Variants in RCOR3 observed in about 807,000 individuals in gnomAD.
RCOR3 encodes the protein REST corepressor 3.
RCOR3 carries 13 observed loss-of-function variants against 64.1 expected under a neutral mutation model. That is an observed-to-expected ratio of 0.20 (90% CI 0.13 to 0.32). The LOEUF is 0.32. Ranked by LOEUF, RCOR3 falls within the 10% of genes least tolerant of loss-of-function variation. The pLI, the probability that RCOR3 is intolerant of heterozygous loss-of-function variation, is 1.00. For synonymous variants in RCOR3, 215 were observed against 239.0 expected (o/e 0.90, Z 0.93); for missense variants, 489 against 701.2 (o/e 0.70, Z 3.42).
intron 8 of RCOR3, among the ~76,000 whole-genome samples, chr1:211,290,269 A>G (rs1296736824): frequency 6.6e-6 from 1 of 152,164 alleles, no homozygotes; most frequent in Admixed American, 6.5e-5. Context: ...CCTTAGCTAT[A>G]GTTCCAGCTG....
chr1:211,265,040 GTA>G (rs1260792430), intron 2 of RCOR3, among the ~76,000 whole-genome samples: 3 of 152,124 alleles, frequency 2.0e-5, no homozygotes, highest in Admixed American at 6.6e-5. Context: ...ATGATGTTAA[GTA>G]TATCACAAGA....
At chr1:211,283,941 T>C (rs1698175513) in intron 7 of RCOR3, among the ~76,000 whole-genome samples, 1 of 151,868 alleles carries the variant, frequency 6.6e-6, no homozygotes, top group South Asian at 2.1e-4. Context: ...ACAGCAAATA[T>C]CTTTTGCCAG....
At chr1:211,279,519 G>C (rs557326585) in intron 7 of RCOR3, among the ~76,000 whole-genome samples, 28 of 152,294 alleles carry the variant, frequency 1.8e-4, no homozygotes, top group African/African-American at 6.7e-4. Flanking sequence ...ACTGGAAAAA[G>C]ATCTGAGTTT....
Position 211,314,017 on chromosome 1 carries a change from A to C in RCOR3, c.*249A>C. 1 of 454,834 alleles carries C rather than the reference A, an allele frequency of 2.2e-6. No individual in the cohort carries two copies. The highest frequency in any genetic ancestry group is 3.9e-6 in the Non-Finnish European group (1 of 256,602). 28.2% of individuals were successfully genotyped at this position (454,834 alleles called of 1,614,324 possible). On this transcript the variant is annotated 3_prime_UTR_variant, in exon 12 of 12. Coordinates refer to ENST00000419091, the MANE Select transcript of RCOR3 (RefSeq NM_001136223.3). ...TATGTTCAGCAATGTTGATCTCATAAAAGGAAAAACAAAAGATTTAAGTAT... is the reference window on the plus strand; with the variant it reads ...TATGTTCAGCAATGTTGATCTCATACAAGGAAAAACAAAAGATTTAAGTAT...
chr1:211,310,781 A>G (rs1701398999), intron 10 of RCOR3, among the ~76,000 whole-genome samples: 1 of 152,118 alleles, frequency 6.6e-6, no homozygotes, highest in Non-Finnish European at 1.5e-5. Context: ...TGAGGTTTAT[A>G]ATATCTTTAG....
At chr1:211,267,414 G>C (rs531442329) in intron 2 of RCOR3, among the ~76,000 whole-genome samples, 2 of 152,232 alleles carry the variant, frequency 1.3e-5, no homozygotes, top group South Asian at 4.2e-4. Context: ...TTCAGAGTTA[G>C]GGAAGGAAAA....
intron 4 of RCOR3, among the ~76,000 whole-genome samples, chr1:211,274,647 C>A (rs1045465606): frequency 1.3e-5 from 2 of 151,902 alleles, no homozygotes; most frequent in South Asian, 2.1e-4. Flanking sequence ...TTTAATGATA[C>A]AGGTAATTCT....
chr1:211,262,693 T>G (rs957057819), intron 2 of RCOR3, among the ~76,000 whole-genome samples: 2 of 152,150 alleles, frequency 1.3e-5, no homozygotes, highest in African/African-American at 4.8e-5. Flanking sequence ...TAGCATTACA[T>G]TGGAAAGCAT....
chr1:211,303,898 A>G (rs1262471763), intron 9 of RCOR3, 185 bp from the exon 10 acceptor site: 8 of 427,312 alleles, frequency 1.9e-5, no homozygotes, highest in African/African-American at 6.1e-5. Context: ...CCCTTTCATT[A>G]TCTTTCTGCA....
chr1:211,314,065 T>C lies in RCOR3; in HGVS notation c.*297T>C. On this transcript the variant is annotated 3_prime_UTR_variant, in exon 12 of 12. Coordinates refer to ENST00000419091, the MANE Select transcript of RCOR3 (RefSeq NM_001136223.3). ...TATTCTATATACCAAGTTTTTGTTT[T>C]GTTTTTACTGTATTTATTTTATTGA... 3 of 285,598 alleles carry C rather than the reference T, an allele frequency of 1.1e-5. No homozygotes were observed. 17.7% of individuals were successfully genotyped at this position (285,598 alleles called of 1,614,324 possible). A position where few individuals can be genotyped will look rare whatever the true frequency, so the allele number is the denominator to read the frequency against.
At position 211,313,543 on chromosome 1, in the gene RCOR3, A is replaced by G. The variant is rs754398141; in HGVS notation, c.1437A>G (p.Thr479=). 1.9e-6 allele frequency: 3 copies of G among 1,613,910 alleles called. No individual in the cohort carries two copies. Among genetic ancestry groups the G allele is most frequent in the Non-Finnish European group, 2.5e-6 (3 of 1,179,956 alleles). ...LNQPPPLLRP[T]LPAAPALHRQ... ...AGCCTCCACCACTTCTTCGTCCAAC[A>G]CTGCCTGCTGCCCCGGCTCTTCACC... Residue 479 remains threonine, a synonymous_variant, in exon 12 of 12, where the codon ACA becomes ACG. Transcript: ENST00000419091. The surrounding 1 kb of genome is among the most constrained non-coding windows in gnomAD (Gnocchi z 4.7).
chr1:211,268,577 A>G (rs866543529), intron 2 of RCOR3, among the ~76,000 whole-genome samples: 13 of 151,942 alleles, frequency 8.6e-5, no homozygotes, highest in Non-Finnish European at 4.4e-5. Context: ...AGGTTTCTCC[A>G]TGTTGGTCAT....
intron 7 of RCOR3, among the ~76,000 whole-genome samples, chr1:211,287,577 G>C (rs141403988): frequency 6.6e-6 from 1 of 152,202 alleles, no homozygotes; most frequent in Non-Finnish European, 1.5e-5. Context: ...CAATTAAGTG[G>C]ATTATGCTTC....
chr1:211,280,984 CAAAAA>C (rs57531814), intron 7 of RCOR3, among the ~76,000 whole-genome samples: 1 of 114,018 alleles, frequency 8.8e-6, no homozygotes, highest in African/African-American at 3.6e-5. Context: ...AACTCCATCT[CAAAAA>C]AAAAAAAAAA....
intron 8 of RCOR3, among the ~76,000 whole-genome samples, chr1:211,292,290 A>G (rs557643625): frequency 7.2e-5 from 11 of 152,238 alleles, no homozygotes; most frequent in Admixed American, 3.3e-4. Context: ...CGCATCTCAT[A>G]TTTGGTTAAA....
chr1:211,262,881 T>TA (rs1245449461), intron 2 of RCOR3, among the ~76,000 whole-genome samples: 2 of 137,168 alleles, frequency 1.5e-5, no homozygotes, highest in African/African-American at 5.1e-5. Context: ...TTTTTTTTTT[T>TA]ATTATTATAC....
chr1:211,271,587 G>A, intron 3 of RCOR3: 2 of 528,018 alleles, frequency 3.8e-6, no homozygotes, highest in Non-Finnish European at 7.3e-6. Flanking sequence ...TCCTCAAGCA[G>A]GGGAGGGAGT....
intron 7 of RCOR3, among the ~76,000 whole-genome samples, chr1:211,279,564 A>T (rs2102515320): frequency 6.6e-6 from 1 of 152,334 alleles, no homozygotes; most frequent in South Asian, 2.1e-4. Flanking sequence ...ATGTGACCTC[A>T]TTCAGTTTAG....
rs574889572 is a variant in RCOR3, at chr1:211,309,728, GA to G, written c.1076-2986del. Among the ~76,000 whole-genome samples the G allele has an allele frequency of 3.4e-4, 52 of 152,260 alleles. No individual in the cohort carries two copies. The East Asian group carries it at 9.7e-3, about 28-fold the overall frequency. ...AAAGTAATCAGATTTTATCAACTAT[GA>G]AAAAATAATGGAGTGCCCTTCCCCC... On this transcript the variant is annotated intron_variant, in intron 10 of 11. Transcript: ENST00000419091.
Sources: allele counts gnomAD v4.1 joint callset (sites outside exome capture counted in the v4.1 genomes callset), GRCh38; gene constraint gnomAD v4.1.1; non-coding constraint Gnocchi (gnomAD v3.1); transcripts MANE v1.5; gene names NCBI Gene and HGNC (gene_info 2026-07-23, HGNC 2026-07-21).